TNIP1: variants seen among roughly 807,000 people sequenced by gnomAD.
The protein encoded by TNIP1 is TNFAIP3 interacting protein 1, also known as TNFAIP3-interacting protein 1.
TNIP1 carries 22 observed loss-of-function variants against 86.6 expected under a neutral mutation model. The ratio of observed to expected loss-of-function variants is 0.25; its 90% CI spans 0.18 to 0.36. The LOEUF (loss-of-function observed/expected upper bound fraction) is 0.36, where lower values mean the gene tolerates loss of function less well. TNIP1 is among the 10% of genes least tolerant of loss of function. The pLI is 1.00. For missense variants in TNIP1, 709 were observed against 820.6 expected (o/e 0.86, Z 1.66); for synonymous variants, 294 against 313.0 (o/e 0.94, Z 0.64).
intron 4 of TNIP1, 68 bp from the exon 5 acceptor site, chr5:151,060,463 G>T: frequency 7.0e-7 from 1 of 1,437,206 alleles, no homozygotes; most frequent in Non-Finnish European, 9.8e-7. Context: ...CGGCCCTGTG[G>T]CTGAGAGCAG....
rs1421414116 is a variant in TNIP1, at chr5:151,056,962, A to G, written c.436-5T>C. ...ACGGGGCAGGGGGCCCAGCGCCTGG[A>G]GAGGGAAAGGGCACACGGCCCACTC... On this transcript the variant is annotated splice_polypyrimidine_tract_variant and splice_region_variant and intron_variant, in intron 5 of 17. Coordinates refer to ENST00000521591, the MANE Select transcript of TNIP1 (RefSeq NM_006058.5). 5 of 1,494,714 alleles carry G rather than the reference A, an allele frequency of 3.3e-6. No individual in the cohort carries two copies. The highest frequency in any genetic ancestry group is 3.6e-6 in the Non-Finnish European group (4 of 1,119,652). 92.6% of individuals were successfully genotyped at this position (1,494,714 alleles called of 1,614,324 possible). A position where few individuals can be genotyped will look rare whatever the true frequency, so the allele number is the denominator to read the frequency against.
rs185164769 is a variant in TNIP1, at chr5:151,066,066, C to T, written c.-36-935G>A. On this transcript the variant is annotated intron_variant, in intron 1 of 17. Coordinates refer to ENST00000521591, the MANE Select transcript of TNIP1 (RefSeq NM_006058.5). ...TCCGTGCTAGGCACCAGTCTGGGTG[C>T]TGAGGAATTATCAGCAAATAAAACA... 1.4e-3 allele frequency among the ~76,000 whole-genome samples: 218 copies of T among 152,276 alleles called. 1 individual carries two copies. Among genetic ancestry groups the T allele is most frequent in the African/African-American group, 5.1e-3 (213 of 41,546 alleles).
intron 8 of TNIP1, among the ~76,000 whole-genome samples, chr5:151,046,558 A>G (rs2113474147): frequency 6.6e-6 from 1 of 152,292 alleles, no homozygotes; most frequent in Non-Finnish European, 1.5e-5. Context: ...TCTAAATACC[A>G]TTTTCTTTTT....
intron 1 of TNIP1, among the ~76,000 whole-genome samples, chr5:151,068,029 G>C (rs1212745423): frequency 6.6e-6 from 1 of 152,182 alleles, no homozygotes; most frequent in Admixed American, 6.5e-5. Flanking sequence ...CGGGAAAGGG[G>C]TTCATGGGAA....
chr5:151,073,226 G>GAAA (rs1279821572), intron 1 of TNIP1, among the ~76,000 whole-genome samples: 4 of 104,280 alleles, frequency 3.8e-5, no homozygotes, highest in African/African-American at 4.3e-5. Context: ...CATCTCAAAA[G>GAAA]AAAAAAAAAA....
rs757772890 is a variant in TNIP1, at chr5:151,064,998, G to C, written c.98C>G (p.Ser33Cys). Residue 33 changes from serine (S) to cysteine (C), a missense_variant, in exon 2 of 18, where the codon TCC becomes TGC. Coordinates refer to ENST00000521591, the MANE Select transcript of TNIP1 (RefSeq NM_006058.5). ...AAFERLVKEN[S>C]RLKEKMQGIK... ...CCCTTGCATTTTTTCCTTCAGCCGG[G>C]AATTCTCCTTCACTAGGCGCTCAAA... 1 of 1,614,156 alleles carries C rather than the reference G, an allele frequency of 6.2e-7. No individual in the cohort carries two copies. Among genetic ancestry groups the C allele is most frequent in the South Asian group, 1.1e-5 (1 of 91,080 alleles).
chr5:151,056,814 T>C lies in TNIP1; in HGVS notation c.579A>G (p.Arg193=). The C allele has an allele frequency of 6.3e-7, 1 of 1,579,306 alleles. No individual in the cohort carries two copies. The highest frequency in any genetic ancestry group is 8.6e-7 in the Non-Finnish European group (1 of 1,162,572). ...HLGRMALEFN[R]LASKVHKNEQ... ...CATTCTTGTGCACCTTGGATGCCAG[T>C]CGGTTGAACTCCAGGGCCATGCGGC... Residue 193 remains arginine (R), a synonymous_variant, in exon 6 of 18, where the codon CGA becomes CGG. Transcript: ENST00000521591.
chr5:151,035,110 G>T (rs373059887), intron 14 of TNIP1, 43 bp from the exon 15 acceptor site: 2 of 1,598,286 alleles, frequency 1.3e-6, no homozygotes, highest in South Asian at 1.1e-5. Flanking sequence ...GGCACAGGTG[G>T]TTTCTGGCCA....
chr5:151,031,248 TCA>T (rs1233259595), intron 17 of TNIP1, among the ~76,000 whole-genome samples: 7 of 152,162 alleles, frequency 4.6e-5, no homozygotes, highest in African/African-American at 1.7e-4. Context: ...TGGCCTCTAC[TCA>T]CACACCTGCA....
chr5:151,041,269 C>T (rs145494700), intron 11 of TNIP1, among the ~76,000 whole-genome samples: 10 of 152,148 alleles, frequency 6.6e-5, no homozygotes, highest in Admixed American at 6.5e-4. Context: ...CGGGGTTTCA[C>T]CATGTTGGCC....
intron 1 of TNIP1, among the ~76,000 whole-genome samples, chr5:151,072,434 A>T (rs1384272349): frequency 1.3e-5 from 2 of 152,220 alleles, no homozygotes; most frequent in Admixed American, 6.5e-5. Flanking sequence ...CAGGGACTCC[A>T]GCTGGCCAAC....
chr5:151,077,177 G>A (rs2113827003), intron 1 of TNIP1, among the ~76,000 whole-genome samples: 1 of 152,338 alleles, frequency 6.6e-6, no homozygotes, highest in Non-Finnish European at 1.5e-5. Flanking sequence ...GAAATAGAGA[G>A]TGTATTAGCC....
intron 8 of TNIP1, among the ~76,000 whole-genome samples, chr5:151,048,213 T>A (rs1759429199): frequency 6.6e-6 from 1 of 152,156 alleles, no homozygotes; most frequent in Non-Finnish European, 1.5e-5. Flanking sequence ...TTCCAGGCTC[T>A]AGGGTGGTGC....
chr5:151,058,477 C>T (rs1034176681), intron 5 of TNIP1, among the ~76,000 whole-genome samples: 16 of 152,216 alleles, frequency 1.1e-4, no homozygotes, highest in East Asian at 1.9e-4. Context: ...CTACTGCAGA[C>T]GGCACTGGGC....
At chr5:151,076,285 GCCTGGATACCCTC>G (rs1427033438) in intron 1 of TNIP1, among the ~76,000 whole-genome samples, 1 of 152,226 alleles carries the variant, frequency 6.6e-6, no homozygotes. Flanking sequence ...TCTGGAGGAT[GCCTGGATACCCTC>G]CCTACAGACG....
At chr5:151,085,792 A>T (rs1024344236), upstream of TNIP1, among the ~76,000 whole-genome samples, 10 of 152,214 alleles carry the variant, frequency 6.6e-5, no homozygotes, top group African/African-American at 2.2e-4. Flanking sequence ...GGAACAGGTC[A>T]GCCAGGCCCA....
At chr5:151,045,338 C>A (rs1759013723) in intron 9 of TNIP1, among the ~76,000 whole-genome samples, 1 of 152,208 alleles carries the variant, frequency 6.6e-6, no homozygotes, top group Admixed American at 6.5e-5. Flanking sequence ...GATCCACCCG[C>A]CTCAGCCTCC....
At chr5:151,033,901 G>T in intron 15 of TNIP1, 102 bp from the exon 16 acceptor site, 1 of 1,098,666 alleles carries the variant, frequency 9.1e-7, no homozygotes, top group Non-Finnish European at 1.2e-6. Context: ...AAGGCTAGCA[G>T]GCTGGGTACC....
chr5:151,080,716 G>C (rs1257565010), intron 1 of TNIP1, among the ~76,000 whole-genome samples, 164 bp downstream of exon 1: 1 of 152,204 alleles, frequency 6.6e-6, no homozygotes, highest in Admixed American at 6.5e-5. Flanking sequence ...TAGCGGCTCA[G>C]CCCGGCTTGG....
Sources: allele counts gnomAD v4.1 joint callset (sites outside exome capture counted in the v4.1 genomes callset), GRCh38; gene constraint gnomAD v4.1.1; transcripts MANE v1.5; gene names NCBI Gene and HGNC (gene_info 2026-07-23, HGNC 2026-07-21).